Variants in MCC observed in about 807,000 individuals in gnomAD.
MCC encodes colorectal mutant cancer protein.
A neutral mutation model predicts 116.2 loss-of-function variants in MCC; 90 were observed. The ratio of observed to expected loss-of-function variants is 0.77; its 90% CI spans 0.65 to 0.92. The LOEUF is 0.92. Ranked by LOEUF, MCC falls within the 40% of genes least tolerant of loss-of-function variation. The pLI is 0.00. For missense variants in MCC, 1,516 were observed against 1,312.2 expected (o/e 1.16, Z -2.40); for synonymous variants, 578 against 510.5 (o/e 1.13, Z -1.78).
intron 8 of MCC, among the ~76,000 whole-genome samples, chr5:113,087,565 C>T (rs558704722): frequency 2.0e-5 from 3 of 152,172 alleles, no homozygotes; most frequent in Admixed American, 1.3e-4. Flanking sequence ...TTCATTTCCT[C>T]AGGGACTGGG....
chr5:113,472,672 C>T (rs1194050679), intron 1 of MCC, among the ~76,000 whole-genome samples: 2 of 152,032 alleles, frequency 1.3e-5, no homozygotes, highest in Non-Finnish European at 2.9e-5. Context: ...CAAATTATTC[C>T]TTTTAGAGAA....
intron 3 of MCC, among the ~76,000 whole-genome samples, chr5:113,301,486 G>C (rs1462412930): frequency 6.6e-6 from 1 of 150,762 alleles, no homozygotes; most frequent in Non-Finnish European, 1.5e-5. Context: ...AAAAAAAAAA[G>C]ATAGTTATAG....
chr5:113,472,812 G>A (rs1772129467), intron 1 of MCC, among the ~76,000 whole-genome samples: 1 of 152,218 alleles, frequency 6.6e-6, no homozygotes, highest in Non-Finnish European at 1.5e-5. Flanking sequence ...CATATGGTTA[G>A]AGACAGATTA....
At chr5:113,374,507 A>G (rs1340411086) in intron 2 of MCC, among the ~76,000 whole-genome samples, 2 of 152,238 alleles carry the variant, frequency 1.3e-5, no homozygotes, top group African/African-American at 2.4e-5. Context: ...GGCAGAGGAT[A>G]GTCAAAAGAG....
chr5:113,378,687 T>G (rs1769041163), intron 2 of MCC, among the ~76,000 whole-genome samples: 1 of 152,216 alleles, frequency 6.6e-6, no homozygotes, highest in Non-Finnish European at 1.5e-5. Context: ...AGGCAATCCC[T>G]GCCCCTTCAG....
At chr5:113,306,651 C>A (rs562211667) in intron 3 of MCC, among the ~76,000 whole-genome samples, 9 of 152,150 alleles carry the variant, frequency 5.9e-5, no homozygotes, top group African/African-American at 2.2e-4. Context: ...TGCAAATATT[C>A]TCTCCCATTT....
chr5:113,395,467 C>A (rs1580327724), intron 1 of MCC, among the ~76,000 whole-genome samples: 1 of 152,154 alleles, frequency 6.6e-6, no homozygotes, highest in South Asian at 2.1e-4. Context: ...TTAAATATCT[C>A]CACAGGTAGC....
chr5:113,182,486 T>C lies in MCC; in HGVS notation c.628-31064A>G, dbSNP rs117234116. On this transcript the variant is annotated intron_variant, in intron 3 of 18. Coordinates refer to ENST00000408903, the MANE Select transcript of MCC (RefSeq NM_001085377.2). The stretch of plus-strand genomic sequence containing the variant: ...TCTCCTAACTTCAAAAGGCAAGACT[T>C]TCAGGAGGCTGAGGTAGGAGAATAG... Among the ~76,000 whole-genome samples, 189 of 152,168 alleles carry C rather than the reference T, an allele frequency of 1.2e-3. 4 individuals carry two copies. In the East Asian group the frequency reaches 0.035, roughly 28 times the overall value.
At chr5:113,478,546 TG>T (rs1368712688) in intron 1 of MCC, among the ~76,000 whole-genome samples, 6 of 152,138 alleles carry the variant, frequency 3.9e-5, no homozygotes, top group Non-Finnish European at 7.4e-5. Flanking sequence ...AGGAGCAGCC[TG>T]GGGAGAGGAG....
At chr5:113,367,455 G>A (rs1202020764) in intron 2 of MCC, among the ~76,000 whole-genome samples, 1 of 151,750 alleles carries the variant, frequency 6.6e-6, no homozygotes, top group East Asian at 1.9e-4. Flanking sequence ...TTCTGGACTT[G>A]CTCCAATGTC....
chr5:113,441,376 T>C (rs1771036677), intron 1 of MCC, among the ~76,000 whole-genome samples: 1 of 152,154 alleles, frequency 6.6e-6, no homozygotes, highest in South Asian at 2.1e-4. Context: ...AAGTTCTCTT[T>C]ATAGTAGAGA....
At chr5:113,197,830 T>C (rs1378837034) in intron 3 of MCC, among the ~76,000 whole-genome samples, 5 of 152,196 alleles carry the variant, frequency 3.3e-5, no homozygotes, top group Non-Finnish European at 5.9e-5. Context: ...GAGCCCAAGG[T>C]GGCCAACTCC....
chr5:113,331,798 C>A (rs535330588), intron 3 of MCC, among the ~76,000 whole-genome samples: 1 of 150,870 alleles, frequency 6.6e-6, no homozygotes, highest in Non-Finnish European at 1.5e-5. Context: ...CACCACAACC[C>A]GGCTAATTTT....
chr5:113,456,147 C>T (rs1041414254), intron 1 of MCC, among the ~76,000 whole-genome samples: 17 of 152,172 alleles, frequency 1.1e-4, no homozygotes, highest in African/African-American at 4.1e-4. Context: ...GATCTTAACT[C>T]CCAGGCACAC....
chr5:113,040,571 C>T (rs557198317), intron 17 of MCC, among the ~76,000 whole-genome samples: 29 of 152,162 alleles, frequency 1.9e-4, no homozygotes, highest in Non-Finnish European at 3.5e-4. Context: ...AAAAGGTGTT[C>T]GTTTCCATTT....
intron 1 of MCC, among the ~76,000 whole-genome samples, chr5:113,431,901 G>T (rs758425510): frequency 6.6e-6 from 1 of 152,114 alleles, no homozygotes; most frequent in Non-Finnish European, 1.5e-5. Context: ...ACTTTGGGAG[G>T]CCGAGGTAGG....
intron 3 of MCC, among the ~76,000 whole-genome samples, chr5:113,213,458 T>C (rs1169942321): frequency 6.6e-6 from 1 of 152,146 alleles, no homozygotes; most frequent in African/African-American, 2.4e-5. Flanking sequence ...CAGTAAAGGC[T>C]CATAACCACC....
At chr5:113,399,254 G>C (rs1769613247) in intron 1 of MCC, among the ~76,000 whole-genome samples, 1 of 152,200 alleles carries the variant, frequency 6.6e-6, no homozygotes, top group Admixed American at 6.5e-5. Flanking sequence ...GGGAGGCCGA[G>C]GCAGGCGGAT....
chr5:113,485,147 T>A (rs899976728), intron 1 of MCC, among the ~76,000 whole-genome samples: 2 of 152,152 alleles, frequency 1.3e-5, no homozygotes, highest in Non-Finnish European at 2.9e-5. Context: ...GCCAAGAGAA[T>A]ATTGAAAGCA....
Sources: allele counts gnomAD v4.1 joint callset (sites outside exome capture counted in the v4.1 genomes callset), GRCh38; gene constraint gnomAD v4.1.1; transcripts MANE v1.5; gene names NCBI Gene and HGNC (gene_info 2026-07-23, HGNC 2026-07-21).